The following TM4SF19 variants were observed in gnomAD, a reference collection of about 807,000 sequenced individuals.
TM4SF19 encodes transmembrane 4 L six family member 19.
A neutral mutation model predicts 21.8 loss-of-function variants in TM4SF19; 17 were observed. The ratio of observed to expected loss-of-function variants is 0.78; its 90% CI spans 0.53 to 1.17. The LOEUF (loss-of-function observed/expected upper bound fraction) is 1.17, where lower values mean the gene tolerates loss of function less well. Among genes scored for constraint, TM4SF19 ranks in the 50% most tolerant of loss-of-function variants. The probability of loss-of-function intolerance (pLI) is 0.00; values close to 1 mark genes in which losing one functional copy is unlikely to be tolerated. For missense variants in TM4SF19, 216 were observed against 252.1 expected, an observed-to-expected ratio of 0.86 and a Z score of 0.97; for synonymous variants, 107 against 106.7, an observed-to-expected ratio of 1.00 and a Z score of -0.02.
intron 1 of TM4SF19, among the ~76,000 whole-genome samples, chr3:196,337,811 C>T (rs979776237): frequency 8.5e-5 from 13 of 152,160 alleles, no homozygotes; most frequent in African/African-American, 3.1e-4. Flanking sequence ...CACTCCTGCT[C>T]TCAAACTTGC....
In TM4SF19 at chr3:196,323,957, G is replaced by T; in HGVS notation, c.490C>A (p.Leu164Met). ...CAGACAACAGCTGCAGAGGGCTCCA[G>T]GCAGACGGAGTTCCAGAGCGAACGG... is the stretch of plus-strand genomic sequence containing the variant. ...YDRSLWNSVC[L>M]EPSAAVVWHV... Residue 164 changes from leucine to methionine, a missense_variant, in exon 5 of 5, where the codon CTG becomes ATG. Transcript: ENST00000273695. 6.2e-7 allele frequency: 1 copy of T among 1,614,078 alleles called. No individual in the cohort carries two copies. Among genetic ancestry groups the T allele is most frequent in the African/African-American group, 1.3e-5 (1 of 75,024 alleles).
rs1727433254 is a variant in TM4SF19, at chr3:196,329,684, T to C, written c.-1-2093A>G. Reference sequence around the variant, plus strand: ...GACTCCATCTAAAAAAAAAAAATCATGCTAAAAGAAATAAGCCAGACACTA... The same window carrying C: ...GACTCCATCTAAAAAAAAAAAATCACGCTAAAAGAAATAAGCCAGACACTA... On this transcript the variant is annotated intron_variant, in intron 1 of 4. Transcript: ENST00000273695. 1.6e-5 allele frequency among the ~76,000 whole-genome samples: 2 copies of C among 121,540 alleles called. 1 individual carries two copies. The allele number at this position is 121,540 out of a possible 152,430, so 79.7% of individuals were successfully genotyped here.
At chr3:196,334,230 G>T (rs1727631453) in intron 1 of TM4SF19, among the ~76,000 whole-genome samples, 1 of 152,050 alleles carries the variant, frequency 6.6e-6, no homozygotes, top group Non-Finnish European at 1.5e-5. Flanking sequence ...CCTTCTTTCT[G>T]GATTCCTTCC....
chr3:196,332,371 G>A (rs754703956), intron 1 of TM4SF19, among the ~76,000 whole-genome samples: 4 of 148,836 alleles, frequency 2.7e-5, no homozygotes, highest in Non-Finnish European at 4.5e-5. Context: ...CCCAGATCAC[G>A]CCACTGCACT....
chr3:196,328,880 A>G lies in TM4SF19; in HGVS notation c.-1-1289T>C, dbSNP rs142625155. 3.3e-5 allele frequency among the ~76,000 whole-genome samples: 5 copies of G among 152,338 alleles called. No homozygotes were observed. In the East Asian group the frequency reaches 9.6e-4, roughly 29 times the overall value. Reference sequence around the variant, plus strand: ...AATTGAAGACACTGAAGCCACGCGTAAGGAAACACATATGGACTACTGGAA... The same window carrying G: ...AATTGAAGACACTGAAGCCACGCGTGAGGAAACACATATGGACTACTGGAA... On this transcript the variant is annotated intron_variant, in intron 1 of 4. Transcript: ENST00000273695.
At chr3:196,334,574 C>T (rs1727647822) in intron 1 of TM4SF19, among the ~76,000 whole-genome samples, 1 of 152,078 alleles carries the variant, frequency 6.6e-6, no homozygotes, top group South Asian at 2.1e-4. Flanking sequence ...CTGCCTCAGA[C>T]TCCCCAGTAG....
At chr3:196,331,288 T>A (rs897075061) in intron 1 of TM4SF19, among the ~76,000 whole-genome samples, 17 of 149,020 alleles carry the variant, frequency 1.1e-4, no homozygotes, top group South Asian at 2.1e-4. Context: ...AAAAAAAATA[T>A]ATATATATAC....
At chr3:196,335,814 C>T (rs559676786) in intron 1 of TM4SF19, among the ~76,000 whole-genome samples, 1 of 152,128 alleles carries the variant, frequency 6.6e-6, no homozygotes, top group South Asian at 2.1e-4. Flanking sequence ...TCGTGCAGTG[C>T]GGGGCTTGCA....
At chr3:196,332,780 A>G (rs1727572804) in intron 1 of TM4SF19, among the ~76,000 whole-genome samples, 1 of 151,732 alleles carries the variant, frequency 6.6e-6, no homozygotes, top group Non-Finnish European at 1.5e-5. Flanking sequence ...AAAATATCCT[A>G]AGTTCAAAAG....
In TM4SF19 at chr3:196,327,492, G is replaced by A. The variant is rs1378170285; in HGVS notation, c.99C>T (p.Asn33=). The change falls in exon 2 of 5, where the codon AAC becomes AAT. Residue 33 remains asparagine, a synonymous_variant. Coordinates refer to ENST00000273695, the MANE Select transcript of TM4SF19 (RefSeq NM_138461.4). ...CCCAGTTAGGAAGGAGGAGTGCCAC[G>A]TTGGCCCCAGCAGCAAACAGGGCTG... ...GTAALFAAGA[N]VALLLPNWDV... The A allele has an allele frequency of 9.9e-6, 16 of 1,614,154 alleles. No individual in the cohort carries two copies. The highest frequency in any genetic ancestry group is 5.3e-5 in the African/African-American group (4 of 75,058).
intron 1 of TM4SF19, among the ~76,000 whole-genome samples, chr3:196,330,555 TATAAC>T (rs1195270645): frequency 1.3e-5 from 2 of 152,228 alleles, no homozygotes; most frequent in African/African-American, 2.4e-5. Flanking sequence ...TTCTGCTACA[TATAAC>T]ATGGATGAAT....
intron 1 of TM4SF19, among the ~76,000 whole-genome samples, chr3:196,334,614 C>T (rs1013091245): frequency 1.3e-5 from 2 of 151,952 alleles, no homozygotes; most frequent in Admixed American, 6.6e-5. Context: ...CCACCATGCC[C>T]GGCTAATTTT....
intron 1 of TM4SF19, among the ~76,000 whole-genome samples, chr3:196,332,837 T>C (rs1039527250): frequency 6.7e-6 from 1 of 149,374 alleles, no homozygotes; most frequent in African/African-American, 2.4e-5. Flanking sequence ...CTCACAATGG[T>C]TCAACTTACA....
At chr3:196,328,066 C>G (rs983352189) in intron 1 of TM4SF19, among the ~76,000 whole-genome samples, 1 of 152,174 alleles carries the variant, frequency 6.6e-6, no homozygotes, top group Non-Finnish European at 1.5e-5. Context: ...CTTTGGGAGG[C>G]TGAGGCAGGC....
chr3:196,336,117 TTTTG>T (rs1727749078), intron 1 of TM4SF19, among the ~76,000 whole-genome samples: 1 of 152,134 alleles, frequency 6.6e-6, no homozygotes, highest in South Asian at 2.1e-4. Flanking sequence ...AGTCTGTTTT[TTTTG>T]TTTTTGTTTT....
chr3:196,326,087 G>A (rs926253513), intron 3 of TM4SF19, among the ~76,000 whole-genome samples: 23 of 152,118 alleles, frequency 1.5e-4, no homozygotes, highest in African/African-American at 5.6e-4. Flanking sequence ...AGATTTTCCT[G>A]CCTCAGCCTC....
Position 196,327,505 on chromosome 3 carries a change from G to A in TM4SF19, c.86C>T (p.Ala29Val). The change falls in exon 2 of 5, where the codon GCT becomes GTT. Residue 29 changes from alanine (A) to valine (V), a missense_variant. Physicochemically the swap from Ala to Val is moderately conservative, Grantham distance 64. Coordinates refer to ENST00000273695, the MANE Select transcript of TM4SF19 (RefSeq NM_138461.4). ...GAGGAGTGCCACGTTGGCCCCAGCA[G>A]CAAACAGGGCTGCAGTCCCAAGGCT... ...GLSLGTAALF[A>V]AGANVALLLP... The A allele has an allele frequency of 1.2e-6, 2 of 1,614,142 alleles. No individual in the cohort carries two copies. The highest frequency in any genetic ancestry group is 8.5e-7 in the Non-Finnish European group (1 of 1,180,046).
intron 1 of TM4SF19, among the ~76,000 whole-genome samples, chr3:196,327,946 G>A (rs1020408873): frequency 2.0e-5 from 3 of 152,082 alleles, no homozygotes; most frequent in South Asian, 2.1e-4. Flanking sequence ...CGTTGTACTG[G>A]TCCTGGCCAG....
At chr3:196,336,513 T>A (rs1727768597) in intron 1 of TM4SF19, among the ~76,000 whole-genome samples, 1 of 152,246 alleles carries the variant, frequency 6.6e-6, no homozygotes. Flanking sequence ...GGCTTTTGGA[T>A]GAGTGGAATT....
Sources: gnomAD v4.1 joint callset for allele counts (sites outside exome capture counted in the v4.1 genomes callset) on GRCh38, gnomAD v4.1.1 for gene constraint, MANE v1.5 for transcripts, NCBI Gene and HGNC (gene_info 2026-07-23, HGNC 2026-07-21) for gene names.